Variants in BCOR observed in about 807,000 individuals in gnomAD.
BCOR encodes BCL-6 corepressor.
BCOR carries 10 observed loss-of-function variants against 86.7 expected under a neutral mutation model. That is an observed-to-expected ratio of 0.12 (90% CI 0.07 to 0.20). The LOEUF (loss-of-function observed/expected upper bound fraction) is 0.20, where lower values mean the gene tolerates loss of function less well. Ranked by LOEUF, BCOR falls within the 10% of genes least tolerant of loss-of-function variation. The probability of loss-of-function intolerance (pLI) is 1.00; values close to 1 mark genes in which losing one functional copy is unlikely to be tolerated. For missense variants in BCOR, 1,259 were observed against 1,452.1 expected, an observed-to-expected ratio of 0.87 and a Z score of 2.16; for synonymous variants, 611 against 609.0, an observed-to-expected ratio of 1.00 and a Z score of -0.05.
At chrX:40,054,648 G>T (rs974699490) in intron 12 of BCOR, among the ~76,000 whole-genome samples, 1 of 111,385 alleles carries the variant, frequency 9.0e-6, no homozygotes, top group Non-Finnish European at 1.9e-5. Flanking sequence ...GACTAGAGGC[G>T]CCCACCACCA....
intron 1 of BCOR, among the ~76,000 whole-genome samples, chrX:40,083,260 G>C (rs1258114576): frequency 9.0e-6 from 1 of 111,089 alleles, no homozygotes; most frequent in East Asian, 2.9e-4. Flanking sequence ...CAGGCTTCCA[G>C]GGGTGTGGTC....
chrX:40,129,307 A>C (rs776062051), intron 1 of BCOR, among the ~76,000 whole-genome samples: 7 of 110,858 alleles, frequency 6.3e-5, no homozygotes, highest in African/African-American at 2.3e-4. Flanking sequence ...AAAATGGTGA[A>C]ACCCCGTCTC....
intron 1 of BCOR, among the ~76,000 whole-genome samples, chrX:40,168,191 C>T (rs1938543482): frequency 8.8e-6 from 1 of 113,327 alleles, no homozygotes; most frequent in Non-Finnish European, 1.9e-5. Context: ...CTCCTCCAGA[C>T]CCTTTCTTTT....
chrX:40,100,551 CAA>C (rs2147779797), upstream of BCOR, among the ~76,000 whole-genome samples: 1 of 111,571 alleles, frequency 9.0e-6, no homozygotes, highest in Non-Finnish European at 1.9e-5. Context: ...GGGCTGCTGA[CAA>C]AGAGGCCTGT....
intron 1 of BCOR, among the ~76,000 whole-genome samples, chrX:40,145,667 G>A (rs1265626655): frequency 8.9e-6 from 1 of 111,733 alleles, no homozygotes; most frequent in Non-Finnish European, 1.9e-5. Flanking sequence ...CTGGAGAGCG[G>A]ATCAAGGTTT....
intron 11 of BCOR, 70 bp downstream of exon 11, chrX:40,057,085 A>G (rs2146920203): frequency 8.8e-7 from 1 of 1,135,953 alleles, no homozygotes; most frequent in East Asian, 3.0e-5. Context: ...ATACACTGAG[A>G]ACCACCACCG....
At chrX:40,110,716 T>C (rs1937295528) in intron 1 of BCOR, among the ~76,000 whole-genome samples, 1 of 51,925 alleles carries the variant, frequency 1.9e-5, no homozygotes, top group African/African-American at 8.2e-5. Context: ...TTTTTTTTTT[T>C]TTTTTTTTTT....
chrX:40,075,804 T>G (rs1028615889), intron 3 of BCOR, among the ~76,000 whole-genome samples: 1 of 111,119 alleles, frequency 9.0e-6, no homozygotes, highest in Non-Finnish European at 1.9e-5. Context: ...GTCTGAAGAT[T>G]TTTACCTTCT....
At chrX:40,172,674 G>A (rs1284356161) in intron 1 of BCOR, among the ~76,000 whole-genome samples, 2 of 113,204 alleles carry the variant, frequency 1.8e-5, no homozygotes, top group Non-Finnish European at 3.8e-5. Context: ...GTCCTGGGCC[G>A]TGGGGCTCCA....
chrX:40,053,913 T>A lies in BCOR; in HGVS notation c.4949A>T (p.Tyr1650Phe), dbSNP rs371469926. 7.4e-6 allele frequency: 9 copies of A among 1,211,316 alleles called. No individual in the cohort carries two copies. The highest frequency in any genetic ancestry group is 4.5e-6 in the Non-Finnish European group (4 of 895,324). The change falls in exon 14 of 15, where the codon TAT (tyrosine) becomes TTT (phenylalanine). Residue 1650 changes from tyrosine to phenylalanine, a missense_variant. Transcript: ENST00000378444. ...EFSETPLLPC[Y>F]NIQVSVAQGP... is the part of the protein sequence containing the mutation. ...CTGAGCCACAGATACTTGGATGTTA[T>A]AACACGGTAAGAGGGGGGTCTCTGA... is the stretch of plus-strand genomic sequence containing the variant.
At chrX:40,121,075 T>C (rs903452306) in intron 1 of BCOR, among the ~76,000 whole-genome samples, 8 of 110,588 alleles carry the variant, frequency 7.2e-5, no homozygotes, top group African/African-American at 2.6e-4. Context: ...GGTGGCCAGA[T>C]TGCAAAAGAG....
rs147324206 is a variant in BCOR, at chrX:40,054,499, CT to C, written c.4742-167del. On this transcript the variant is annotated intron_variant, in intron 12 of 14. Coordinates refer to ENST00000378444, the MANE Select transcript of BCOR (RefSeq NM_001123385.2). ...AAAGTAGCATTACACTTATGTATCT[CT>C]TTTTTTTTTTTTTTTTTGACAGAGT... Among the ~76,000 whole-genome samples the C allele has an allele frequency of 0.019, 1,898 of 98,786 alleles. 34 individuals carry two copies. The highest frequency in any genetic ancestry group is 0.058 in the African/African-American group (1,566 of 26,832). The allele number at this position is 98,786 out of a possible 115,157, so 85.8% of individuals were successfully genotyped here.
intron 1 of BCOR, among the ~76,000 whole-genome samples, chrX:40,131,446 C>T (rs1001747155): frequency 5.4e-5 from 6 of 112,055 alleles, no homozygotes; most frequent in Admixed American, 9.5e-5. Context: ...CACCTGAGGT[C>T]GGGGGTTCGA....
At chrX:40,156,102 T>TC (rs1938287826) in intron 1 of BCOR, among the ~76,000 whole-genome samples, 1 of 112,290 alleles carries the variant, frequency 8.9e-6, no homozygotes, top group Non-Finnish European at 1.9e-5. Flanking sequence ...GCCCATCCCC[T>TC]CCCCCTCCTC....
At chrX:40,119,324 G>A (rs1024955406) in intron 1 of BCOR, among the ~76,000 whole-genome samples, 2 of 107,853 alleles carry the variant, frequency 1.9e-5, no homozygotes, top group Non-Finnish European at 3.8e-5. Context: ...AAGTGCAGTG[G>A]CGCTTTGCCT....
chrX:40,105,847 C>T (rs1937169374), intron 1 of BCOR, among the ~76,000 whole-genome samples: 2 of 112,943 alleles, frequency 1.8e-5, no homozygotes, highest in South Asian at 7.2e-4. Flanking sequence ...GGTCGAAGGG[C>T]CGCCACCCCT....
chrX:40,146,428 G>A (rs1216273059), intron 1 of BCOR: 2 of 111,867 alleles, frequency 1.8e-5, no homozygotes, highest in African/African-American at 6.5e-5. Context: ...CCGAGAGGCT[G>A]ATTTAAAGGT....
intron 6 of BCOR, among the ~76,000 whole-genome samples, chrX:40,066,884 G>A: frequency 1.0e-5 from 1 of 99,931 alleles, no homozygotes; most frequent in Admixed American, 1.1e-4. Flanking sequence ...GCCCCACCCA[G>A]AACGAACTGC....
chrX:40,154,135 T>C (rs1055146901), intron 1 of BCOR, among the ~76,000 whole-genome samples: 1 of 111,041 alleles, frequency 9.0e-6, no homozygotes, highest in Non-Finnish European at 1.9e-5. Flanking sequence ...TTAATAATGA[T>C]AATAAGAGAA....
Sources: allele counts gnomAD v4.1 joint callset (sites outside exome capture counted in the v4.1 genomes callset), GRCh38; gene constraint gnomAD v4.1.1; transcripts MANE v1.5; gene names NCBI Gene and HGNC (gene_info 2026-07-23, HGNC 2026-07-21).